LRP1B: variants seen among roughly 807,000 people sequenced by gnomAD.
LRP1B encodes the protein low-density lipoprotein receptor-related protein 1B.
A neutral mutation model predicts 556.6 loss-of-function variants in LRP1B; 217 were observed. The observed-to-expected ratio is 0.39, with a 90% CI of 0.35 to 0.44. LRP1B has a LOEUF of 0.44. Ranked by LOEUF, LRP1B falls within the 20% of genes least tolerant of loss-of-function variation. The pLI is 1.00. For missense variants in LRP1B, 5,053 were observed against 5,620.8 expected (o/e 0.90, Z 3.23); for synonymous variants, 2,047 against 1,865.8 (o/e 1.10, Z -2.50).
intron 84 of LRP1B, among the ~76,000 whole-genome samples, chr2:140,292,557 G>C (rs1480063243): frequency 6.6e-6 from 1 of 151,892 alleles, no homozygotes; most frequent in Non-Finnish European, 1.5e-5. Flanking sequence ...TTGATTTCTT[G>C]TGATTTCAGC....
At chr2:141,222,618 CA>C (rs1683091832) in intron 6 of LRP1B, among the ~76,000 whole-genome samples, 2 of 152,072 alleles carry the variant, frequency 1.3e-5, no homozygotes, top group South Asian at 4.1e-4. Flanking sequence ...AACATCAATG[CA>C]AAAAAATCCT....
rs144739902 is a variant in LRP1B, at chr2:142,094,791, A to T, written c.82+35857T>A. Among the ~76,000 whole-genome samples the T allele has an allele frequency of 1.2e-3, 177 of 151,042 alleles. 1 individual carries two copies. Among genetic ancestry groups the T allele is most frequent in the African/African-American group, 4.2e-3 (170 of 40,828 alleles). Reference sequence around the variant, plus strand: ...TAAATGAAACCAAATATATTCAAATATTTAGTAATAAATATTTAGTAATAA... The same window carrying T: ...TAAATGAAACCAAATATATTCAAATTTTTAGTAATAAATATTTAGTAATAA... On this transcript the variant is annotated intron_variant, in intron 1 of 90. Coordinates refer to ENST00000389484, the MANE Select transcript of LRP1B (RefSeq NM_018557.3).
At chr2:140,875,950 A>T (rs1311265157) in intron 25 of LRP1B, among the ~76,000 whole-genome samples, 1 of 152,142 alleles carries the variant, frequency 6.6e-6, no homozygotes, top group Non-Finnish European at 1.5e-5. Context: ...TTTGACTATG[A>T]CTGCCCTAAA....
At chr2:141,224,400 C>A (rs1462834027) in intron 6 of LRP1B, among the ~76,000 whole-genome samples, 1 of 152,156 alleles carries the variant, frequency 6.6e-6, no homozygotes, top group Non-Finnish European at 1.5e-5. Context: ...TAAATTAGTT[C>A]AACCATTGTG....
At chr2:141,555,498 T>G (rs1685927903) in intron 2 of LRP1B, among the ~76,000 whole-genome samples, 1 of 151,942 alleles carries the variant, frequency 6.6e-6, no homozygotes, top group South Asian at 2.1e-4. Flanking sequence ...ACAGCAGGCA[T>G]GCAATCAATC....
At chr2:141,057,571 T>C (rs1048265649) in intron 9 of LRP1B, among the ~76,000 whole-genome samples, 1 of 151,808 alleles carries the variant, frequency 6.6e-6, no homozygotes, top group African/African-American at 2.4e-5. Context: ...GCTGTTCTTG[T>C]GATAGCAAAT....
rs1686559607 is a variant in LRP1B, at chr2:140,444,325, C to T, written c.10294+5G>A. On this transcript the variant is annotated splice_donor_5th_base_variant and intron_variant, in intron 65 of 90. Coordinates refer to ENST00000389484, the MANE Select transcript of LRP1B (RefSeq NM_018557.3). ...GACAAGACAGAGTATTTTGAGGTGA[C>T]TTACGACAGTCTCTTTCATCTTCCT... 1 of 1,613,800 alleles carries T rather than the reference C, an allele frequency of 6.2e-7. No individual in the cohort carries two copies. Among genetic ancestry groups the T allele is most frequent in the Non-Finnish European group, 8.5e-7 (1 of 1,179,826 alleles).
chr2:140,478,656 A>G (rs1381963171), intron 59 of LRP1B, among the ~76,000 whole-genome samples: 1 of 152,118 alleles, frequency 6.6e-6, no homozygotes, highest in Non-Finnish European at 1.5e-5. Context: ...AACCCTAGAA[A>G]CAGATTACAT....
chr2:140,793,564 T>C (rs1189467903), intron 32 of LRP1B, among the ~76,000 whole-genome samples: 2 of 152,000 alleles, frequency 1.3e-5, no homozygotes, highest in Non-Finnish European at 2.9e-5. Flanking sequence ...AATATAAATA[T>C]ATTACTAAGA....
intron 66 of LRP1B, among the ~76,000 whole-genome samples, chr2:140,437,180 G>C (rs1014398463): frequency 6.6e-6 from 1 of 152,136 alleles, no homozygotes; most frequent in Non-Finnish European, 1.5e-5. Context: ...TTAGAGCACA[G>C]AGTGCAGATC....
intron 2 of LRP1B, among the ~76,000 whole-genome samples, chr2:141,802,752 A>T (rs1696048936): frequency 6.6e-6 from 1 of 152,160 alleles, no homozygotes; most frequent in Admixed American, 6.6e-5. Context: ...TTATACACTG[A>T]CTATAAAGAA....
intron 3 of LRP1B, among the ~76,000 whole-genome samples, chr2:141,342,587 G>A (rs150420357): frequency 0.012 from 1,794 of 151,826 alleles, 23 homozygotes; most frequent in Middle Eastern, 0.02. Context: ...CACAAGTATC[G>A]ATAGCCGAAC....
chr2:141,951,837 A>T (rs1259501624), intron 1 of LRP1B, among the ~76,000 whole-genome samples: 1 of 151,790 alleles, frequency 6.6e-6, no homozygotes, highest in East Asian at 1.9e-4. Context: ...GTTCAGAAGA[A>T]TTTTTTTTTA....
chr2:140,293,056 A>G (rs555795989), intron 84 of LRP1B, among the ~76,000 whole-genome samples: 1 of 152,268 alleles, frequency 6.6e-6, no homozygotes, highest in African/African-American at 2.4e-5. Flanking sequence ...GTACAGGTAT[A>G]CTTCTGATAA....
intron 83 of LRP1B, among the ~76,000 whole-genome samples, chr2:140,313,451 T>C (rs1684391543): frequency 1.3e-5 from 2 of 151,966 alleles, no homozygotes; most frequent in South Asian, 4.1e-4. Context: ...AAATTCAATG[T>C]TTTGTAGAGA....
In LRP1B at chr2:141,245,950, A is replaced by G. The variant is rs147243851; in HGVS notation, c.592+1276T>C. On this transcript the variant is annotated intron_variant, in intron 5 of 90. Coordinates refer to ENST00000389484, the MANE Select transcript of LRP1B (RefSeq NM_018557.3). ...CCACAAATATTTATTGAGAACCTAT[A>G]TGTTCTAGGCAATGATCAGTACTGA... is the stretch of plus-strand genomic sequence containing the variant. Among the ~76,000 whole-genome samples the G allele has an allele frequency of 3.2e-3, 482 of 152,122 alleles. 1 individual carries two copies. The highest frequency in any genetic ancestry group is 0.011 in the African/African-American group (445 of 41,518).
At chr2:140,955,888 AAAT>A (rs1449150680) in intron 18 of LRP1B, among the ~76,000 whole-genome samples, 1 of 151,618 alleles carries the variant, frequency 6.6e-6, no homozygotes, top group East Asian at 1.9e-4. Context: ...TTGCCCCCCA[AAAT>A]AATATTTTTA....
chr2:142,057,402 C>G (rs112133163), intron 1 of LRP1B, among the ~76,000 whole-genome samples: 2 of 152,094 alleles, frequency 1.3e-5, no homozygotes, highest in African/African-American at 4.8e-5. Context: ...TGCAAACTCT[C>G]TTATGTGCAA....
At position 140,851,665 on chromosome 2, in the gene LRP1B, C is replaced by G. The variant is rs1343651855; in HGVS notation, c.4698G>C (p.Lys1566Asn). Reference protein sequence around the residue: ...CPHLMKLSSDKKTCYEMKKFL... With the variant: ...CPHLMKLSSDNKTCYEMKKFL... ...TAAGAAATTTACCATAGCAGGTCTTCTTGTCTGAAGAAAGCTTCATCAAGT... is the reference window on the plus strand; with the variant it reads ...TAAGAAATTTACCATAGCAGGTCTTGTTGTCTGAAGAAAGCTTCATCAAGT... The change falls in exon 28 of 91, where the codon AAG becomes AAC. Residue 1566 changes from lysine (K) to asparagine (N), a missense_variant. Physicochemically the swap from Lys to Asn is moderately conservative, Grantham distance 94. This residue lies in a region of LRP1B where 3,619 missense variants were observed against 3,931.9 expected (regional missense o/e 0.92). Transcript: ENST00000389484. The G allele has an allele frequency of 1.9e-6, 3 of 1,609,212 alleles. No individual in the cohort carries two copies. The highest frequency in any genetic ancestry group is 2.5e-6 in the Non-Finnish European group (3 of 1,178,340).
Sources: allele counts gnomAD v4.1 joint callset (sites outside exome capture counted in the v4.1 genomes callset), GRCh38; gene constraint gnomAD v4.1.1; regional missense constraint gnomAD v4.1.1; transcripts MANE v1.5; gene names NCBI Gene and HGNC (gene_info 2026-07-23, HGNC 2026-07-21).